The following C10orf67 variants were observed in gnomAD, a reference collection of about 807,000 sequenced individuals.
C10orf67 encodes uncharacterized protein C10orf67, mitochondrial.
C10orf67 carries 60 observed loss-of-function variants against 35.6 expected under a neutral mutation model. The ratio of observed to expected loss-of-function variants is 1.68; its 90% confidence interval spans 1.37 to 2.09. The LOEUF is 2.09. Among genes scored for constraint, C10orf67 ranks in the 30% most tolerant of loss-of-function variants. The pLI, the probability that C10orf67 is intolerant of heterozygous loss-of-function variation, is 0.00. For missense variants in C10orf67, 474 were observed against 330.2 expected, an observed-to-expected ratio of 1.44 and a Z score of -3.38; for synonymous variants, 167 against 115.8, an observed-to-expected ratio of 1.44 and a Z score of -2.84.
chr10:23,323,894 AATATATATATATATATATAT>A (rs137983793), intron 2 of C10orf67, among the ~76,000 whole-genome samples: 451 of 42,784 alleles, frequency 0.011, 25 homozygotes, highest in Non-Finnish European at 0.016. Context: ...ACTCCGTCTA[AATATATATATATATATATAT>A]ATATATATAT....
Position 23,204,146 on chromosome 10 carries a change from G to A in C10orf67, c.*27C>T, listed in dbSNP as rs1020780792. 9 of 498,132 alleles carry A rather than the reference G, an allele frequency of 1.8e-5. No homozygotes were observed. The highest frequency in any genetic ancestry group is 1.1e-4 in the Admixed American group (3 of 26,280). 30.9% of individuals were successfully genotyped at this position (498,132 alleles called of 1,614,324 possible). On this transcript the variant is annotated 3_prime_UTR_variant, in exon 16 of 16. Transcript: ENST00000636213. ...GCGAGGCCACTCTTTCTGAGGCCCC[G>A]TCTGCGCAGCCCAGGCTTCTGCTGG...
At chr10:23,288,320 G>C (rs1249787231) in intron 7 of C10orf67, among the ~76,000 whole-genome samples, 1 of 152,176 alleles carries the variant, frequency 6.6e-6, no homozygotes, top group East Asian at 1.9e-4. Context: ...TCCTTTGCAG[G>C]GATATGGATG....
intron 8 of C10orf67, among the ~76,000 whole-genome samples, chr10:23,268,645 G>A (rs1016226554): frequency 3.3e-5 from 5 of 152,190 alleles, no homozygotes; most frequent in Admixed American, 2.6e-4. Flanking sequence ...GTTTCAATGG[G>A]TTTGAACTCA....
At chr10:23,312,628 C>A (rs1371116574) in intron 4 of C10orf67, among the ~76,000 whole-genome samples, 4 of 152,176 alleles carry the variant, frequency 2.6e-5, no homozygotes, top group Admixed American at 1.3e-4. Flanking sequence ...ATAAATGTAT[C>A]TACACACTTA....
chr10:23,205,822 AT>A (rs1164338491), intron 15 of C10orf67, among the ~76,000 whole-genome samples: 1 of 152,234 alleles, frequency 6.6e-6, no homozygotes, highest in Admixed American at 6.5e-5. Flanking sequence ...AACTCAAAAA[AT>A]CATAAGGTAA....
At chr10:23,314,222 AAAC>A (rs1844606703) in intron 4 of C10orf67, among the ~76,000 whole-genome samples, 1 of 152,094 alleles carries the variant, frequency 6.6e-6, no homozygotes, top group South Asian at 2.1e-4. Flanking sequence ...CCAAACAACC[AAAC>A]AACAACAAAA....
chr10:23,222,348 C>T (rs1841606840), intron 15 of C10orf67, among the ~76,000 whole-genome samples: 1 of 152,076 alleles, frequency 6.6e-6, no homozygotes, highest in African/African-American at 2.4e-5. Flanking sequence ...GGGAATGGAA[C>T]TCTATGGTTA....
chr10:23,205,153 G>C (rs1056535308), intron 15 of C10orf67, among the ~76,000 whole-genome samples: 8 of 152,192 alleles, frequency 5.3e-5, no homozygotes, highest in Admixed American at 2.6e-4. Context: ...AGCCTATCTG[G>C]GTCAAGTCTT....
intron 12 of C10orf67, among the ~76,000 whole-genome samples, chr10:23,247,981 T>C (rs1012878104): frequency 2.7e-4 from 41 of 152,218 alleles, no homozygotes; most frequent in African/African-American, 9.4e-4. Flanking sequence ...ATGAGCAGAG[T>C]GGGCCTTCAC....
intron 10 of C10orf67, among the ~76,000 whole-genome samples, chr10:23,257,383 A>G (rs561571323): frequency 1.3e-5 from 2 of 152,354 alleles, no homozygotes; most frequent in East Asian, 1.9e-4. Flanking sequence ...GGATAAGAGC[A>G]TAGAGGCAGA....
intron 13 of C10orf67, among the ~76,000 whole-genome samples, chr10:23,233,273 G>T (rs1053604072): frequency 2.0e-5 from 3 of 152,180 alleles, no homozygotes; most frequent in African/African-American, 7.2e-5. Context: ...ATATCCTGAT[G>T]ACATCTTTTT....
At chr10:23,343,961 G>T in intron 1 of C10orf67, 1 of 465,418 alleles carries the variant, frequency 2.1e-6, no homozygotes, top group South Asian at 1.6e-5. Flanking sequence ...ATGATCTTCC[G>T]GCCCTCCTCT....
chr10:23,248,661 A>G (rs969062850), intron 12 of C10orf67, among the ~76,000 whole-genome samples: 2 of 152,204 alleles, frequency 1.3e-5, no homozygotes, highest in Admixed American at 1.3e-4. Context: ...TGACTACACA[A>G]TTAATCTCCA....
intron 2 of C10orf67, among the ~76,000 whole-genome samples, chr10:23,324,330 T>A (rs937173146): frequency 6.6e-6 from 1 of 152,104 alleles, no homozygotes; most frequent in Non-Finnish European, 1.5e-5. Context: ...TTCCTCAGGT[T>A]CTATGAATCT....
At chr10:23,219,968 T>C (rs774267008) in intron 15 of C10orf67, among the ~76,000 whole-genome samples, 3 of 152,076 alleles carry the variant, frequency 2.0e-5, no homozygotes, top group Non-Finnish European at 4.4e-5. Flanking sequence ...GCCCAGGAGT[T>C]GGAGACCAGT....
At chr10:23,247,413 G>A (rs951408711) in intron 12 of C10orf67, among the ~76,000 whole-genome samples, 2 of 152,188 alleles carry the variant, frequency 1.3e-5, no homozygotes, top group Non-Finnish European at 2.9e-5. Context: ...ATAGTCTCAT[G>A]CTGTGCAGGT....
At chr10:23,343,210 A>C (rs1387641825) in intron 1 of C10orf67, among the ~76,000 whole-genome samples, 1 of 152,162 alleles carries the variant, frequency 6.6e-6, no homozygotes, top group East Asian at 1.9e-4. Flanking sequence ...CCTAACCCCC[A>C]AGATGACGAT....
chr10:23,307,274 C>T (rs1246330870), intron 4 of C10orf67, among the ~76,000 whole-genome samples: 2 of 152,104 alleles, frequency 1.3e-5, no homozygotes, highest in African/African-American at 4.8e-5. Context: ...ATAAAGAAAC[C>T]ATTTGATTCT....
chr10:23,262,688 A>G (rs1842784618), intron 10 of C10orf67, among the ~76,000 whole-genome samples: 1 of 152,230 alleles, frequency 6.6e-6, no homozygotes, highest in African/African-American at 2.4e-5. Context: ...CTTTTCATGT[A>G]TCCCACAAAT....
Sources: allele counts gnomAD v4.1 joint callset (sites outside exome capture counted in the v4.1 genomes callset), GRCh38; gene constraint gnomAD v4.1.1; transcripts MANE v1.5; gene names NCBI Gene and HGNC (gene_info 2026-07-23, HGNC 2026-07-21).